The following NBAS variants were observed in gnomAD, a reference collection of about 807,000 sequenced individuals.
NBAS encodes the protein NBAS subunit of NRZ tethering complex, also known as NAG/BC035112 fusion.
A neutral mutation model predicts 302.5 loss-of-function variants in NBAS; 219 were observed. The observed-to-expected ratio is 0.72, with a 90% confidence interval of 0.65 to 0.81. The LOEUF (loss-of-function observed/expected upper bound fraction) is 0.81. Among genes scored for constraint, NBAS ranks in the 30% least tolerant of loss-of-function variants. The probability of loss-of-function intolerance (pLI) is 0.00; values close to 1 mark genes in which losing one functional copy is unlikely to be tolerated. For synonymous variants in NBAS, 1,118 were observed against 1,021.6 expected, an observed-to-expected ratio of 1.09 and a Z score of -1.80; for missense variants, 2,932 against 2,841.6, an observed-to-expected ratio of 1.03 and a Z score of -0.72.
chr2:14,977,424 A>T, the NBAS span, among the ~76,000 whole-genome samples: 1 of 152,240 alleles, frequency 6.6e-6, no homozygotes, highest in African/African-American at 2.4e-5. Flanking sequence ...ATATACAGAC[A>T]TTTTTCATTT....
rs538297932 is a variant in NBAS, at chr2:15,483,793, G to T, written c.1083+5101C>A. 6.4e-4 allele frequency among the ~76,000 whole-genome samples: 97 copies of T among 152,302 alleles called. 1 individual carries two copies. The highest frequency in any genetic ancestry group is 2.2e-3 in the African/African-American group (90 of 41,586). On this transcript the variant is annotated intron_variant, in intron 12 of 51. Coordinates refer to ENST00000281513, the MANE Select transcript of NBAS (RefSeq NM_015909.4). ...AAATTGCATGAAGAAAGCCCCAAAT[G>T]AGTTGAATTCACAATTTTGGTAAAG... is the stretch of plus-strand genomic sequence containing the variant.
chr2:15,165,836 A>T (rs1355098116), downstream of NBAS, among the ~76,000 whole-genome samples: 1 of 152,226 alleles, frequency 6.6e-6, no homozygotes, highest in Non-Finnish European at 1.5e-5. Flanking sequence ...ATTACTCCCT[A>T]TAACAATGAT....
At chr2:15,338,459 T>C (rs1399290071) in intron 35 of NBAS, among the ~76,000 whole-genome samples, 1 of 152,114 alleles carries the variant, frequency 6.6e-6, no homozygotes, top group Non-Finnish European at 1.5e-5. Flanking sequence ...GAAATACCTG[T>C]CAGAACAAGC....
intron 10 of NBAS, among the ~76,000 whole-genome samples, chr2:15,504,676 G>C (rs1661756229): frequency 6.6e-6 from 1 of 152,050 alleles, no homozygotes; most frequent in South Asian, 2.1e-4. Context: ...ACAATTTTTT[G>C]TCTTTAGACT....
the NBAS span, among the ~76,000 whole-genome samples, chr2:15,100,502 A>T: frequency 1.3e-5 from 2 of 152,202 alleles, no homozygotes; most frequent in African/African-American, 4.8e-5. Context: ...AATTTTTACA[A>T]GACTTCATTA....
chr2:15,089,443 A>G, the NBAS span, among the ~76,000 whole-genome samples: 1 of 152,218 alleles, frequency 6.6e-6, no homozygotes, highest in Non-Finnish European at 1.5e-5. Flanking sequence ...TTACAAATGG[A>G]AAAACTGAGA....
intron 26 of NBAS, among the ~76,000 whole-genome samples, chr2:15,398,004 A>G (rs565153988): frequency 2.6e-5 from 4 of 152,348 alleles, no homozygotes; most frequent in East Asian, 3.9e-4. Context: ...GGCTTTGGAC[A>G]GGAGTGATGA....
At chr2:15,248,415 C>T (rs1668204610) in intron 44 of NBAS, among the ~76,000 whole-genome samples, 1 of 151,998 alleles carries the variant, frequency 6.6e-6, no homozygotes, top group Admixed American at 6.6e-5. Flanking sequence ...CAAGAGCAAA[C>T]ACATTGAAAA....
At chr2:15,091,352 G>A in the NBAS span, among the ~76,000 whole-genome samples, 7 of 151,926 alleles carry the variant, frequency 4.6e-5, no homozygotes, top group Non-Finnish European at 8.8e-5. Context: ...CCACTCCTGA[G>A]ACAGTAACCC....
chr2:15,365,157 A>G lies in NBAS; in HGVS notation c.3817+1423T>C, dbSNP rs1481223109. 2.0e-5 allele frequency among the ~76,000 whole-genome samples: 3 copies of G among 152,358 alleles called. No homozygotes were observed. In the East Asian group the frequency reaches 5.8e-4, roughly 29 times the overall value. Reference sequence around the variant, plus strand: ...GCAGCTATGTGTAACAGAACTTTGTATCCACAGTACGTAGCAGAAAAATAT... The same window carrying G: ...GCAGCTATGTGTAACAGAACTTTGTGTCCACAGTACGTAGCAGAAAAATAT... On this transcript the variant is annotated intron_variant, in intron 32 of 51. Transcript: ENST00000281513.
intron 41 of NBAS, among the ~76,000 whole-genome samples, chr2:15,291,021 T>C (rs1670281661): frequency 6.6e-6 from 1 of 152,238 alleles, no homozygotes; most frequent in Admixed American, 6.5e-5. Flanking sequence ...TACTCCACTA[T>C]CATAATGAAG....
intron 11 of NBAS, among the ~76,000 whole-genome samples, chr2:15,490,850 T>C (rs1680825339): frequency 6.6e-6 from 1 of 152,202 alleles, no homozygotes; most frequent in Admixed American, 6.5e-5. Flanking sequence ...TGGTCAAGTA[T>C]AATTTATTGT....
the NBAS span, among the ~76,000 whole-genome samples, chr2:15,128,688 A>C: frequency 6.6e-6 from 1 of 152,188 alleles, no homozygotes; most frequent in African/African-American, 2.4e-5. Context: ...CTTGTACAGA[A>C]GCAAAAGGCC....
At chr2:15,105,251 C>A in the NBAS span, among the ~76,000 whole-genome samples, 1 of 151,832 alleles carries the variant, frequency 6.6e-6, no homozygotes, top group African/African-American at 2.4e-5. Flanking sequence ...AACACCGGGG[C>A]CTGTCAGGGG....
intron 6 of NBAS, among the ~76,000 whole-genome samples, chr2:15,544,470 T>C (rs957273497): frequency 4.6e-5 from 7 of 151,998 alleles, no homozygotes; most frequent in African/African-American, 7.3e-5. Flanking sequence ...TTAAAATCAA[T>C]TGGATAAAAA....
At chr2:14,957,142 C>G in the NBAS span, among the ~76,000 whole-genome samples, 1 of 152,128 alleles carries the variant, frequency 6.6e-6, no homozygotes, top group Non-Finnish European at 1.5e-5. Flanking sequence ...TCAGAGCCTT[C>G]AGAAAGAACC....
At chr2:14,886,143 G>A in the NBAS span, among the ~76,000 whole-genome samples, 18 of 152,152 alleles carry the variant, frequency 1.2e-4, no homozygotes, top group Non-Finnish European at 1.9e-4. Context: ...CTCAAGATAA[G>A]CTCAGTCTCC....
chr2:15,199,011 C>T (rs1019105814), intron 48 of NBAS, among the ~76,000 whole-genome samples: 17 of 151,214 alleles, frequency 1.1e-4, no homozygotes, highest in Non-Finnish European at 1.5e-4. Flanking sequence ...CCTGCAGTCC[C>T]AGCTACTCGG....
At chr2:15,374,458 T>G (rs2148359217) in intron 31 of NBAS, 150 bp downstream of exon 31, 1 of 673,020 alleles carries the variant, frequency 1.5e-6, no homozygotes, top group East Asian at 2.7e-5. Flanking sequence ...CCACTTGAGA[T>G]TTCATTTAAA....
Sources: allele counts gnomAD v4.1 joint callset (sites outside exome capture counted in the v4.1 genomes callset), GRCh38; gene constraint gnomAD v4.1.1; transcripts MANE v1.5; gene names NCBI Gene and HGNC (gene_info 2026-07-23, HGNC 2026-07-21).